Variants in SEMA3A observed in about 807,000 individuals in gnomAD.
The protein encoded by SEMA3A is semaphorin-3A.
Under a neutral mutation model 97.9 loss-of-function variants are expected in SEMA3A, and 29 were observed. The observed-to-expected ratio is 0.30, with a 90% CI of 0.22 to 0.40. The LOEUF (loss-of-function observed/expected upper bound fraction) is 0.40. Ranked by LOEUF, SEMA3A falls within the 10% of genes least tolerant of loss-of-function variation. The probability of loss-of-function intolerance (pLI) is 1.00; values close to 1 mark genes in which losing one functional copy is unlikely to be tolerated. For missense variants in SEMA3A, 763 were observed against 951.3 expected (o/e 0.80, Z 2.60); for synonymous variants, 321 against 323.7 (o/e 0.99, Z 0.09).
chr7:84,304,277 C>A (rs1028518532), intron 3 of SEMA3A, among the ~76,000 whole-genome samples: 4 of 152,008 alleles, frequency 2.6e-5, no homozygotes, highest in Admixed American at 2.0e-4. Flanking sequence ...GTTTTAAGGG[C>A]TGAATAGTAA....
chr7:84,063,870 C>A (rs879444361), intron 4 of SEMA3A, among the ~76,000 whole-genome samples: 38 of 149,740 alleles, frequency 2.5e-4, no homozygotes, highest in Admixed American at 2.1e-3. Flanking sequence ...GGAGAACTTC[C>A]CCAATCTAGC....
intron 12 of SEMA3A, among the ~76,000 whole-genome samples, chr7:83,986,053 A>G (rs1298833549): frequency 6.6e-6 from 1 of 152,166 alleles, no homozygotes; most frequent in Non-Finnish European, 1.5e-5. Flanking sequence ...CATGATTACA[A>G]AATGGTTTTG....
At chr7:84,345,210 A>C (rs979051918) in intron 2 of SEMA3A, among the ~76,000 whole-genome samples, 2 of 152,196 alleles carry the variant, frequency 1.3e-5, no homozygotes, top group Admixed American at 1.3e-4. Context: ...ATGTCCAAAA[A>C]AATGAACATA....
At chr7:84,047,495 C>T (rs533758897) in intron 5 of SEMA3A, among the ~76,000 whole-genome samples, 1 of 152,104 alleles carries the variant, frequency 6.6e-6, no homozygotes, top group East Asian at 1.9e-4. Context: ...AATCCCAAGC[C>T]TTTTACACTA....
At chr7:84,376,196 T>C (rs1435572983) in intron 1 of SEMA3A, among the ~76,000 whole-genome samples, 1 of 152,208 alleles carries the variant, frequency 6.6e-6, no homozygotes, top group African/African-American at 2.4e-5. Context: ...TTCCTTTGGA[T>C]ATATACCCAG....
chr7:84,464,430 G>T (rs1805939489), intron 1 of SEMA3A, among the ~76,000 whole-genome samples: 1 of 152,140 alleles, frequency 6.6e-6, no homozygotes, highest in Admixed American at 6.5e-5. Flanking sequence ...AAGATATGGA[G>T]AAAGAACGTT....
At chr7:84,103,276 G>A (rs1274749541) in intron 4 of SEMA3A, among the ~76,000 whole-genome samples, 1 of 152,048 alleles carries the variant, frequency 6.6e-6, no homozygotes, top group Non-Finnish European at 1.5e-5. Flanking sequence ...TTAGTTGGCA[G>A]AATATAGCAT....
intron 1 of SEMA3A, among the ~76,000 whole-genome samples, chr7:84,410,617 T>C (rs1804237683): frequency 6.6e-6 from 1 of 152,192 alleles, no homozygotes; most frequent in South Asian, 2.1e-4. Context: ...CAGCAGAATA[T>C]GTCAAGCCAC....
At chr7:84,444,885 G>T (rs1176434289) in intron 1 of SEMA3A, among the ~76,000 whole-genome samples, 1 of 151,914 alleles carries the variant, frequency 6.6e-6, no homozygotes, top group Non-Finnish European at 1.5e-5. Context: ...ATTTCCTGGG[G>T]CATTGTTCAT....
intron 2 of SEMA3A, among the ~76,000 whole-genome samples, chr7:84,356,039 T>C (rs1802553057): frequency 1.3e-5 from 2 of 151,970 alleles, no homozygotes; most frequent in Admixed American, 1.3e-4. Flanking sequence ...TACTAATCTT[T>C]GCTACATGTC....
intron 1 of SEMA3A, among the ~76,000 whole-genome samples, chr7:84,403,984 C>A (rs969317824): frequency 6.6e-6 from 1 of 152,116 alleles, no homozygotes; most frequent in Non-Finnish European, 1.5e-5. Flanking sequence ...AAAATCAGAG[C>A]GCCTCTCCTC....
chr7:84,174,287 T>C (rs1797492883), intron 1 of SEMA3A, among the ~76,000 whole-genome samples: 1 of 152,192 alleles, frequency 6.6e-6, no homozygotes, highest in Admixed American at 6.5e-5. Context: ...TGGGGACCAC[T>C]GTAGTACAGG....
At chr7:83,990,886 TTGAATC>T (rs1789894050) in intron 12 of SEMA3A, among the ~76,000 whole-genome samples, 1 of 151,848 alleles carries the variant, frequency 6.6e-6, no homozygotes, top group South Asian at 2.1e-4. Flanking sequence ...GGGGATGGCA[TTGAATC>T]TGTAAATTAC....
rs774746150 is a variant in SEMA3A at position 84,110,496 on chromosome 7, A to G, written c.427T>C (p.Tyr143His). 4.3e-6 allele frequency: 7 copies of G among 1,613,978 alleles called. No homozygotes were observed. In the Admixed American group the frequency reaches 1.0e-4, roughly 23 times the overall value. The change falls in exon 4 of 17, where the codon TAC becomes CAC. Residue 143 changes from tyrosine to histidine, a missense_variant. Around this residue, in one of 2 missense-constraint regions of SEMA3A, gnomAD observed 678 missense variants for 881.3 expected, o/e 0.77. Transcript: ENST00000265362. Reference protein sequence around the residue: ...GTGAFHPICTYIEIGHHPEDN... With the variant: ...GTGAFHPICTHIEIGHHPEDN... ...TCAGGATGATGTCCAATTTCAATGT[A>G]GGTGCAAATTGGATGAAAAGCCCCC... is the stretch of plus-strand genomic sequence containing the variant.
intron 2 of SEMA3A, among the ~76,000 whole-genome samples, chr7:84,362,369 T>C (rs535828803): frequency 1.3e-5 from 2 of 152,154 alleles, no homozygotes; most frequent in Admixed American, 1.3e-4. Flanking sequence ...ATACAATAAA[T>C]GTTCAACGAT....
intron 3 of SEMA3A, among the ~76,000 whole-genome samples, chr7:84,285,633 T>C (rs2115761649): frequency 6.6e-6 from 1 of 152,240 alleles, no homozygotes; most frequent in South Asian, 2.1e-4. Flanking sequence ...CCTTTGGTTC[T>C]CATAAGGGAA....
intron 1 of SEMA3A, among the ~76,000 whole-genome samples, chr7:84,473,562 T>C (rs1380863646): frequency 6.6e-6 from 1 of 151,856 alleles, no homozygotes; most frequent in East Asian, 1.9e-4. Context: ...CTAATTTTTG[T>C]ATTTTTAGTA....
At chr7:83,973,542 C>T (rs1789003121) in intron 15 of SEMA3A, among the ~76,000 whole-genome samples, 1 of 152,112 alleles carries the variant, frequency 6.6e-6, no homozygotes, top group African/African-American at 2.4e-5. Context: ...GGGCTAAATG[C>T]TCAGATTCAT....
intron 1 of SEMA3A, among the ~76,000 whole-genome samples, chr7:84,433,052 A>C (rs1469805325): frequency 2.0e-5 from 3 of 151,708 alleles, no homozygotes; most frequent in Admixed American, 6.6e-5. Context: ...TAGCCTCTCT[A>C]TCACCTGTTA....
Sources: allele counts gnomAD v4.1 joint callset (sites outside exome capture counted in the v4.1 genomes callset), GRCh38; gene constraint gnomAD v4.1.1; regional missense constraint gnomAD v4.1.1; transcripts MANE v1.5; gene names NCBI Gene and HGNC (gene_info 2026-07-23, HGNC 2026-07-21).